NBAS: variants seen among roughly 807,000 people sequenced by gnomAD.
NBAS encodes NBAS subunit of NRZ tethering complex, also known as NAG/BC035112 fusion.
A neutral mutation model predicts 302.5 loss-of-function variants in NBAS; 219 were observed. That is an observed-to-expected ratio of 0.72 (90% CI 0.65 to 0.81). The LOEUF (loss-of-function observed/expected upper bound fraction) is 0.81, where lower values mean the gene tolerates loss of function less well. Among genes scored for constraint, NBAS ranks in the 30% least tolerant of loss-of-function variants. NBAS has a pLI of 0.00. For synonymous variants in NBAS, 1,118 were observed against 1,021.6 expected, an observed-to-expected ratio of 1.09 and a Z score of -1.80; for missense variants, 2,932 against 2,841.6, an observed-to-expected ratio of 1.03 and a Z score of -0.72.
chr2:15,371,903 G>C (rs1286223514), intron 31 of NBAS, among the ~76,000 whole-genome samples: 1 of 152,114 alleles, frequency 6.6e-6, no homozygotes, highest in African/African-American at 2.4e-5. Context: ...CTAATTCTAT[G>C]ATTATTTAAA....
intron 40 of NBAS, among the ~76,000 whole-genome samples, chr2:15,306,237 A>C (rs566138129): frequency 6.6e-6 from 1 of 152,364 alleles, no homozygotes; most frequent in Non-Finnish European, 1.5e-5. Flanking sequence ...TTACTAGAGT[A>C]TAATAAAGTT....
In NBAS at chr2:15,394,498, A is replaced by G; in HGVS notation, c.3135-149T>C. The G allele has an allele frequency of 4.0e-6, 3 of 756,338 alleles. No individual in the cohort carries two copies. In the South Asian group the frequency reaches 5.5e-5, roughly 14 times the overall value. 46.9% of individuals were successfully genotyped at this position (756,338 alleles called of 1,614,324 possible). A position where few individuals can be genotyped will look rare whatever the true frequency, so the allele number is the denominator to read the frequency against. On this transcript the variant is annotated intron_variant, in intron 27 of 51. Transcript: ENST00000281513. ...AATTTTACATATAACGTTGATTCTC[A>G]GCAAAAAAGAAAAAAAATCGAATAA...
chr2:15,208,970 G>A (rs1666277511), intron 48 of NBAS, among the ~76,000 whole-genome samples: 1 of 151,734 alleles, frequency 6.6e-6, no homozygotes, highest in Admixed American at 6.6e-5. Context: ...TAAACGAATT[G>A]GAAATGAAGA....
At chr2:15,036,395 T>C in the NBAS span, among the ~76,000 whole-genome samples, 1 of 152,316 alleles carries the variant, frequency 6.6e-6, no homozygotes, top group Non-Finnish European at 1.5e-5. Flanking sequence ...CTCTTAAGTA[T>C]TTCTTTTTCC....
At chr2:14,909,466 G>A in the NBAS span, among the ~76,000 whole-genome samples, 2 of 150,876 alleles carry the variant, frequency 1.3e-5, no homozygotes, top group Non-Finnish European at 2.9e-5. Context: ...GCTATAAAAT[G>A]GTGGAGGAGG....
In NBAS at chr2:15,251,663, A is replaced by G. The variant is rs936702710; in HGVS notation, c.5725-12977T>C. 4.6e-5 allele frequency among the ~76,000 whole-genome samples: 7 copies of G among 152,212 alleles called. No homozygotes were observed. The East Asian group carries it at 1.2e-3, about 25-fold the overall frequency. ...TATAGGATAACCTTCTGACATCACC[A>G]TGGCATTTGTAAACTGTCACGACGC... On this transcript the variant is annotated intron_variant, in intron 44 of 51. Coordinates refer to ENST00000281513, the MANE Select transcript of NBAS (RefSeq NM_015909.4).
At chr2:15,154,047 C>T in the NBAS span, among the ~76,000 whole-genome samples, 3 of 152,218 alleles carry the variant, frequency 2.0e-5, no homozygotes, top group African/African-American at 7.2e-5. Context: ...GCATATCATG[C>T]CAGCTCTGGC....
chr2:15,134,391 T>C, the NBAS span, among the ~76,000 whole-genome samples: 1 of 152,132 alleles, frequency 6.6e-6, no homozygotes, highest in Admixed American at 6.5e-5. Flanking sequence ...AACAAACTGC[T>C]GTTGTTTTCA....
At chr2:15,005,298 A>G in the NBAS span, among the ~76,000 whole-genome samples, 1 of 152,122 alleles carries the variant, frequency 6.6e-6, no homozygotes, top group Non-Finnish European at 1.5e-5. Flanking sequence ...TCGCTCCCCA[A>G]CATCCCTGGC....
At chr2:14,979,457 C>T in the NBAS span, among the ~76,000 whole-genome samples, 4 of 152,160 alleles carry the variant, frequency 2.6e-5, no homozygotes, top group Admixed American at 6.6e-5. Context: ...TTTCAACCAT[C>T]GTTACCTTAA....
the NBAS span, among the ~76,000 whole-genome samples, chr2:15,111,639 G>T: frequency 1.8e-4 from 28 of 151,894 alleles, no homozygotes; most frequent in African/African-American, 6.8e-4. Flanking sequence ...ATGAGCCAAA[G>T]TTGCTTTCCA....
At chr2:14,858,150 C>G in the NBAS span, among the ~76,000 whole-genome samples, 1 of 151,996 alleles carries the variant, frequency 6.6e-6, no homozygotes, top group Non-Finnish European at 1.5e-5. Context: ...GAGCTTTTAT[C>G]CAAAAGTCAG....
the NBAS span, among the ~76,000 whole-genome samples, chr2:14,930,291 A>G: frequency 6.6e-6 from 1 of 152,238 alleles, no homozygotes; most frequent in African/African-American, 2.4e-5. Flanking sequence ...TAGAGAAAAA[A>G]TGAAAAATGG....
At chr2:15,398,558 A>G (rs1675990993) in intron 26 of NBAS, among the ~76,000 whole-genome samples, 2 of 152,214 alleles carry the variant, frequency 1.3e-5, no homozygotes, top group South Asian at 4.1e-4. Context: ...AAGTTTTTTT[A>G]GCCAGATTAA....
At chr2:15,105,737 T>G in the NBAS span, among the ~76,000 whole-genome samples, 1 of 152,106 alleles carries the variant, frequency 6.6e-6, no homozygotes, top group Non-Finnish European at 1.5e-5. Flanking sequence ...TCTCTAAGAG[T>G]GTCCCAAATA....
the NBAS span, among the ~76,000 whole-genome samples, chr2:15,074,477 T>C: frequency 6.8e-6 from 1 of 147,460 alleles, no homozygotes; most frequent in Non-Finnish European, 1.5e-5. Flanking sequence ...ATAATGTATT[T>C]ATAATCACAC....
At chr2:15,438,668 C>G (rs1388352251) in intron 21 of NBAS, among the ~76,000 whole-genome samples, 2 of 152,212 alleles carry the variant, frequency 1.3e-5, no homozygotes, top group Admixed American at 1.3e-4. Context: ...CTAAACAGAG[C>G]CTGGCAGGCC....
At chr2:15,132,214 G>A in the NBAS span, among the ~76,000 whole-genome samples, 1 of 152,168 alleles carries the variant, frequency 6.6e-6, no homozygotes, top group African/African-American at 2.4e-5. Flanking sequence ...ATAAAATGCG[G>A]TACATCCAGA....
chr2:15,306,694 C>T (rs1671049619), intron 40 of NBAS, among the ~76,000 whole-genome samples: 1 of 151,466 alleles, frequency 6.6e-6, no homozygotes, highest in Non-Finnish European at 1.5e-5. Context: ...AAGATAAATG[C>T]ATATTTACTT....
Sources: allele counts gnomAD v4.1 joint callset (sites outside exome capture counted in the v4.1 genomes callset), GRCh38; gene constraint gnomAD v4.1.1; transcripts MANE v1.5; gene names NCBI Gene and HGNC (gene_info 2026-07-23, HGNC 2026-07-21).